Variants in FMN1 observed in about 807,000 individuals in gnomAD.
FMN1 encodes formin-1.
A neutral mutation model predicts 132.4 loss-of-function variants in FMN1; 110 were observed. That is an observed-to-expected ratio of 0.83 (90% CI 0.71 to 0.97). The LOEUF is 0.97. FMN1 is among the 50% of genes least tolerant of loss of function. The pLI, the probability that FMN1 is intolerant of heterozygous loss-of-function variation, is 0.00. For missense variants in FMN1, 1,792 were observed against 1,705.3 expected, an observed-to-expected ratio of 1.05 and a Z score of -0.90; for synonymous variants, 722 against 651.7, an observed-to-expected ratio of 1.11 and a Z score of -1.64.
At chr15:32,851,831 T>G (rs1306647215) in intron 17 of FMN1, among the ~76,000 whole-genome samples, 2 of 152,206 alleles carry the variant, frequency 1.3e-5, no homozygotes, top group Admixed American at 1.3e-4. Context: ...AGAGCTGAAT[T>G]GCAGCTGATA....
chr15:32,915,485 A>G (rs538330693), intron 10 of FMN1, among the ~76,000 whole-genome samples: 7 of 152,382 alleles, frequency 4.6e-5, no homozygotes, highest in Admixed American at 3.3e-4. Flanking sequence ...ACCCAAGATC[A>G]GATCGCTCCC....
chr15:33,088,181 C>G (rs2038772440), intron 5 of FMN1, among the ~76,000 whole-genome samples: 1 of 151,886 alleles, frequency 6.6e-6, no homozygotes, highest in South Asian at 2.1e-4. Flanking sequence ...TAACCAAACA[C>G]CACCTGTTCG....
chr15:32,913,697 T>C (rs1596259468), intron 10 of FMN1, among the ~76,000 whole-genome samples: 2 of 152,330 alleles, frequency 1.3e-5, no homozygotes, highest in African/African-American at 4.8e-5. Flanking sequence ...ACTTTAAGAA[T>C]CTGTGGTATG....
At chr15:32,980,472 GT>G (rs1171031976) in intron 7 of FMN1, among the ~76,000 whole-genome samples, 6 of 152,100 alleles carry the variant, frequency 3.9e-5, no homozygotes, top group Admixed American at 3.9e-4. Flanking sequence ...TGTAAACTCA[GT>G]TTTCACACTA....
rs764712994 is a variant in FMN1, at chr15:32,969,174, G to T, written c.2527C>A (p.Pro843Thr). 1 of 1,613,840 alleles carries T rather than the reference G, an allele frequency of 6.2e-7. No individual in the cohort carries two copies. The highest frequency in any genetic ancestry group is 2.2e-5 in the East Asian group (1 of 44,886). ...LNISSLSQLS[P>T]PNDHKDIHAA... ...TGGATGTCTTTGTGGTCATTTGGGG[G>T]TGAGAGCTGGCTTAAAGAGGAGATA... Residue 843 changes from proline to threonine, a missense_variant, in exon 8 of 21, where the codon CCC becomes ACC. Coordinates refer to ENST00000616417, the MANE Select transcript of FMN1 (RefSeq NM_001277313.2).
chr15:33,073,015 A>C (rs775567493), intron 5 of FMN1, among the ~76,000 whole-genome samples: 3 of 152,148 alleles, frequency 2.0e-5, no homozygotes, highest in Non-Finnish European at 2.9e-5. Context: ...ATTATCTCCT[A>C]TAGGCAGTAG....
intron 4 of FMN1, among the ~76,000 whole-genome samples, chr15:33,102,183 G>A (rs1019506913): frequency 2.0e-5 from 3 of 152,054 alleles, no homozygotes; most frequent in African/African-American, 7.2e-5. Flanking sequence ...TGAGTCTTCA[G>A]AGGTTTTCCC....
chr15:32,973,883 G>T (rs1375028784), intron 7 of FMN1, among the ~76,000 whole-genome samples: 1 of 152,070 alleles, frequency 6.6e-6, no homozygotes, highest in Non-Finnish European at 1.5e-5. Context: ...CTTTGTACCT[G>T]GATATTATGT....
chr15:32,895,687 C>T (rs556697549), intron 15 of FMN1, among the ~76,000 whole-genome samples: 1 of 151,984 alleles, frequency 6.6e-6, no homozygotes, highest in Admixed American at 6.5e-5. Context: ...TTCTATATGT[C>T]TTTTGTAAAT....
chr15:33,082,020 G>GGTGGGT (rs1555395896), intron 5 of FMN1, among the ~76,000 whole-genome samples: 2 of 117,762 alleles, frequency 1.7e-5, no homozygotes, highest in Non-Finnish European at 3.7e-5. Context: ...AGAGTTCAGG[G>GGTGGGT]GTGTGTGTGT....
chr15:33,128,850 G>A (rs749437635), intron 4 of FMN1, among the ~76,000 whole-genome samples: 2 of 152,216 alleles, frequency 1.3e-5, no homozygotes, highest in Admixed American at 6.5e-5. Context: ...AAGACAACCG[G>A]AGCAGACTGC....
At chr15:32,850,098 C>T (rs7174704) in intron 17 of FMN1, among the ~76,000 whole-genome samples, 150,856 of 152,340 alleles carry the variant, frequency 0.99, 74,699 homozygotes, top group East Asian at 1. Context: ...CAGTGGAGTA[C>T]ACAAGAACCC....
intron 12 of FMN1, among the ~76,000 whole-genome samples, chr15:32,906,874 G>A (rs372125421): frequency 2.0e-5 from 3 of 152,134 alleles, no homozygotes; most frequent in Non-Finnish European, 4.4e-5. Context: ...AACCTACTTT[G>A]AGGGGGGATC....
intron 8 of FMN1, among the ~76,000 whole-genome samples, chr15:32,968,281 T>C (rs1045459834): frequency 6.6e-6 from 1 of 152,228 alleles, no homozygotes; most frequent in African/African-American, 2.4e-5. Context: ...TTCTGTTAAA[T>C]ATCTAGATTA....
intron 5 of FMN1, among the ~76,000 whole-genome samples, chr15:33,070,752 G>C (rs1179292470): frequency 6.6e-6 from 1 of 152,128 alleles, no homozygotes; most frequent in African/African-American, 2.4e-5. Flanking sequence ...TAGTAAGTGG[G>C]GAATAACATC....
intron 12 of FMN1, among the ~76,000 whole-genome samples, chr15:32,906,172 C>T (rs1200458020): frequency 2.6e-5 from 4 of 152,130 alleles, no homozygotes; most frequent in Non-Finnish European, 4.4e-5. Flanking sequence ...TTCATTTCAC[C>T]GGATCAGCCA....
rs555760509 is a variant in FMN1 at position 33,024,223 on chromosome 15, A to ATTTTTTTTTTTTTTTTTT, written c.2162-16166_2162-16149dup. Among the ~76,000 whole-genome samples the ATTTTTTTTTTTTTTTTTT allele has an allele frequency of 1.5e-4, 13 of 88,016 alleles. 2 individuals carry two copies. Among genetic ancestry groups the ATTTTTTTTTTTTTTTTTT allele is most frequent in the East Asian group, 9.6e-4 (2 of 2,086 alleles). The allele number at this position is 88,016 out of a possible 152,430, so 57.7% of individuals were successfully genotyped here. ...GGGAATACTATTTCACACCTATCAG[A>ATTTTTTTTTTTTTTTTTT]TTTTTTTTTTTTTTTTTTTTTTTTT... On this transcript the variant is annotated intron_variant, in intron 6 of 20. Coordinates refer to ENST00000616417, the MANE Select transcript of FMN1 (RefSeq NM_001277313.2).
chr15:33,185,763 G>A (rs1965863843), intron 2 of FMN1, among the ~76,000 whole-genome samples: 1 of 151,686 alleles, frequency 6.6e-6, no homozygotes, highest in Non-Finnish European at 1.5e-5. Flanking sequence ...GTAGAGACAG[G>A]GTTTCACCAT....
intron 10 of FMN1, 27 bp from the exon 11 acceptor site, chr15:32,910,562 G>A (rs2060535398): frequency 1.3e-6 from 2 of 1,542,886 alleles, no homozygotes; most frequent in African/African-American, 1.4e-5. Context: ...AAGAAAAGAG[G>A]ATAAGGGATT....
Sources: gnomAD v4.1 joint callset for allele counts (sites outside exome capture counted in the v4.1 genomes callset) on GRCh38, gnomAD v4.1.1 for gene constraint, MANE v1.5 for transcripts, NCBI Gene and HGNC (gene_info 2026-07-23, HGNC 2026-07-21) for gene names.